The following MBD5 variants were observed in gnomAD, a reference collection of about 807,000 sequenced individuals.
The protein encoded by MBD5 is methyl-CpG-binding domain protein 5.
A neutral mutation model predicts 117.3 loss-of-function variants in MBD5; 13 were observed. That is an observed-to-expected ratio of 0.11 (90% CI 0.07 to 0.18). The LOEUF (loss-of-function observed/expected upper bound fraction) is 0.18, where lower values mean the gene tolerates loss of function less well. MBD5 is among the 10% of genes least tolerant of loss of function. MBD5 has a pLI of 1.00. For synonymous variants in MBD5, 727 were observed against 766.4 expected (o/e 0.95, Z 0.85); for missense variants, 1,879 against 2,093.8 (o/e 0.90, Z 2.00).
intron 1 of MBD5, among the ~76,000 whole-genome samples, chr2:148,079,676 G>A (rs1462053013): frequency 6.6e-6 from 1 of 151,864 alleles, no homozygotes; most frequent in Admixed American, 6.6e-5. Flanking sequence ...GACCAACATG[G>A]TGAAACCCCG....
intron 1 of MBD5, among the ~76,000 whole-genome samples, chr2:148,091,874 G>A (rs1175946112): frequency 6.6e-6 from 1 of 152,140 alleles, no homozygotes; most frequent in Non-Finnish European, 1.5e-5. Flanking sequence ...AGAGTAAACA[G>A]ACAACCCAAG....
chr2:148,335,966 C>T (rs1702776729), intron 3 of MBD5, among the ~76,000 whole-genome samples: 1 of 152,142 alleles, frequency 6.6e-6, no homozygotes, highest in Non-Finnish European at 1.5e-5. Flanking sequence ...TCATTTATTT[C>T]AAAGTTAATG....
At chr2:148,157,387 G>GT (rs1298917347) in intron 1 of MBD5, among the ~76,000 whole-genome samples, 1 of 142,672 alleles carries the variant, frequency 7.0e-6, no homozygotes, top group Admixed American at 7.5e-5. Flanking sequence ...TCTGGTTATT[G>GT]TTTTTTTAAA....
At chr2:148,112,082 C>T (rs566474663) in intron 1 of MBD5, among the ~76,000 whole-genome samples, 7 of 152,068 alleles carry the variant, frequency 4.6e-5, no homozygotes. Context: ...CAAACACATA[C>T]CCAGAAATAA....
At position 148,489,934 on chromosome 2, in the gene MBD5, A is replaced by G; in HGVS notation, c.4302A>G (p.Gln1434=). ...HTSKKQWDGE[Q]SPRGERNRWK... is the part of the protein sequence containing the mutation. ...CCAAAAAACAGTGGGACGGGGAGCA[A>G]AGCCCCAGAGGGGAGCGAAACAGGT... The change falls in exon 11 of 14, where the codon CAA becomes CAG. Residue 1434 remains glutamine, a synonymous_variant. Transcript: ENST00000642680. The G allele has an allele frequency of 1.2e-6, 2 of 1,614,140 alleles. No homozygotes were observed. The highest frequency in any genetic ancestry group is 2.2e-5 in the South Asian group (2 of 91,076).
chr2:148,454,271 C>T (rs1706815205), intron 4 of MBD5, among the ~76,000 whole-genome samples: 3 of 152,062 alleles, frequency 2.0e-5, no homozygotes. Flanking sequence ...AACAATTTGG[C>T]AATATCTGTA....
At chr2:148,263,053 A>G (rs537385773) in intron 3 of MBD5, among the ~76,000 whole-genome samples, 1 of 152,334 alleles carries the variant, frequency 6.6e-6, no homozygotes, top group African/African-American at 2.4e-5. Flanking sequence ...TTGATTGACT[A>G]GGTGAAAAGT....
intron 8 of MBD5, among the ~76,000 whole-genome samples, chr2:148,472,691 A>G (rs564539717): frequency 1.2e-4 from 19 of 152,250 alleles, no homozygotes; most frequent in East Asian, 1.2e-3. Flanking sequence ...TCAGAATGAG[A>G]CAGTAAATGA....
Position 148,052,777 on chromosome 2 carries a change from A to G in MBD5, c.-925+31093A>G, listed in dbSNP as rs551514996. 3.3e-5 allele frequency among the ~76,000 whole-genome samples: 5 copies of G among 152,166 alleles called. No homozygotes were observed. The East Asian group carries it at 9.7e-4, about 29-fold the overall frequency. On this transcript the variant is annotated intron_variant, in intron 1 of 13. Transcript: ENST00000642680. ...GATAAACCCACTTTGTTTGGTTTCA[A>G]ACTTTAAAAAATATATCGGTGTTTG...
At chr2:148,486,932 G>A (rs192406620) in intron 10 of MBD5, among the ~76,000 whole-genome samples, 2 of 152,270 alleles carry the variant, frequency 1.3e-5, no homozygotes, top group East Asian at 1.9e-4. Context: ...CTCAGCTTCT[G>A]TGTATTAATA....
chr2:148,022,705 T>C (rs1693791732), intron 1 of MBD5, among the ~76,000 whole-genome samples: 1 of 152,188 alleles, frequency 6.6e-6, no homozygotes, highest in Non-Finnish European at 1.5e-5. Context: ...TGAACCAAAT[T>C]GCCCACTGTA....
At chr2:148,250,848 A>T (rs998590594) in intron 3 of MBD5, among the ~76,000 whole-genome samples, 28 of 152,208 alleles carry the variant, frequency 1.8e-4, no homozygotes, top group African/African-American at 5.8e-4. Context: ...GAGGAGCCTG[A>T]TCCCAAGTTT....
At chr2:148,200,692 CAAAA>C (rs770296644) in intron 2 of MBD5, among the ~76,000 whole-genome samples, 2 of 57,740 alleles carry the variant, frequency 3.5e-5, no homozygotes, top group Non-Finnish European at 3.7e-5. Flanking sequence ...GACTCTATCT[CAAAA>C]AAAAAAAAAA....
chr2:148,494,110 G>A (rs557257101), intron 11 of MBD5, among the ~76,000 whole-genome samples: 1 of 152,240 alleles, frequency 6.6e-6, no homozygotes, highest in African/African-American at 2.4e-5. Context: ...TGCCCTTTAT[G>A]TTAGACAGTC....
intron 4 of MBD5, among the ~76,000 whole-genome samples, chr2:148,413,341 G>A (rs1202024918): frequency 1.3e-5 from 2 of 151,984 alleles, no homozygotes; most frequent in Non-Finnish European, 1.5e-5. Context: ...TTAGCTTTTT[G>A]TTGTGCTTCT....
chr2:148,023,743 T>A (rs1317811710), intron 1 of MBD5, among the ~76,000 whole-genome samples: 1 of 152,126 alleles, frequency 6.6e-6, no homozygotes, highest in African/African-American at 2.4e-5. Flanking sequence ...GTCTTGAGTT[T>A]AATGTCTTTC....
chr2:148,358,119 T>A (rs1391371219), intron 4 of MBD5, among the ~76,000 whole-genome samples: 6 of 152,222 alleles, frequency 3.9e-5, no homozygotes, highest in Admixed American at 3.3e-4. Context: ...TTTATTTCTG[T>A]ATTGTCATTT....
intron 1 of MBD5, among the ~76,000 whole-genome samples, chr2:148,133,298 G>C (rs1270511234): frequency 6.6e-6 from 1 of 152,114 alleles, no homozygotes; most frequent in African/African-American, 2.4e-5. Flanking sequence ...GGCATGTTAA[G>C]ATATTTGGTA....
intron 3 of MBD5, among the ~76,000 whole-genome samples, chr2:148,306,349 C>G (rs1185441466): frequency 6.6e-6 from 1 of 152,186 alleles, no homozygotes; most frequent in African/African-American, 2.4e-5. Context: ...TCTGTTTAGT[C>G]ATATCTGATT....
Sources: gnomAD v4.1 joint callset for allele counts (sites outside exome capture counted in the v4.1 genomes callset) on GRCh38, gnomAD v4.1.1 for gene constraint, MANE v1.5 for transcripts, NCBI Gene and HGNC (gene_info 2026-07-23, HGNC 2026-07-21) for gene names.